Variants in ESPN observed in about 807,000 individuals in gnomAD.
The protein encoded by ESPN is espin.
Under a neutral mutation model 77.7 loss-of-function variants are expected in ESPN, and 68 were observed. The ratio of observed to expected loss-of-function variants is 0.87; its 90% CI spans 0.72 to 1.07. ESPN has a LOEUF of 1.07. Among genes scored for constraint, ESPN ranks in the 50% least tolerant of loss-of-function variants. The probability of loss-of-function intolerance (pLI) is 0.00; values close to 1 mark genes in which losing one functional copy is unlikely to be tolerated. For missense variants in ESPN, 1,060 were observed against 1,239.0 expected (o/e 0.86, Z 2.17); for synonymous variants, 449 against 567.1 (o/e 0.79, Z 2.96).
rs752466249 is a variant in ESPN at position 6,441,020 on chromosome 1, C to G, written c.945C>G (p.Asn315Lys). ...CGGCCGCCGACCTGTCGGACTTCAA[C>G]GGCCACAGCCACTGCACCCGCTACC... The part of the protein sequence containing the change: ...GYTAADLSDF[N>K]GHSHCTRYLR... The change falls in exon 5 of 13, where the codon AAC becomes AAG. Residue 315 changes from asparagine (N) to lysine (K), a missense_variant. Asn to Lys is a moderately conservative substitution (Grantham distance 94, BLOSUM62 0). Coordinates refer to ENST00000645284, the MANE Select transcript of ESPN (RefSeq NM_031475.3). The G allele has an allele frequency of 1.1e-5, 17 of 1,610,742 alleles. No individual in the cohort carries two copies. The highest frequency in any genetic ancestry group is 1.4e-5 in the Non-Finnish European group (17 of 1,179,500).
In ESPN at chr1:6,426,843, C is replaced by G. The variant is rs553441675; in HGVS notation, c.295-1383C>G. Reference sequence around the variant, plus strand: ...AGACTGAACCAGTCTCTGGCCCCCCCACTCCCAGCTTTCTAGCACACAGGA... The same window carrying G: ...AGACTGAACCAGTCTCTGGCCCCCCGACTCCCAGCTTTCTAGCACACAGGA... On this transcript the variant is annotated intron_variant, in intron 1 of 12. Transcript: ENST00000645284. Among the ~76,000 whole-genome samples, 6 of 152,246 alleles carry G rather than the reference C, an allele frequency of 3.9e-5. No individual in the cohort carries two copies. The East Asian group carries it at 5.8e-4, about 15-fold the overall frequency.
chr1:6,458,535 C>G (rs749491046), intron 12 of ESPN, among the ~76,000 whole-genome samples: 8 of 151,020 alleles, frequency 5.3e-5, no homozygotes, highest in Non-Finnish European at 8.9e-5. Flanking sequence ...AGGCTGGTCT[C>G]GAACTCCTGA....
rs989305318 is a variant in ESPN, at chr1:6,427,548, G to A, written c.295-678G>A. 1.8e-4 allele frequency among the ~76,000 whole-genome samples: 28 copies of A among 152,256 alleles called. No individual in the cohort carries two copies. Among genetic ancestry groups the A allele is most frequent in the African/African-American group, 6.3e-4 (26 of 41,554 alleles). On this transcript the variant is annotated intron_variant, in intron 1 of 12. Coordinates refer to ENST00000645284, the MANE Select transcript of ESPN (RefSeq NM_031475.3). The surrounding 1 kb of genome is among the most constrained non-coding windows in gnomAD (Gnocchi z 4.6). ...CTGCACCTAGCACCCCTGGCTGACTGCCCCGGACCCGCCCACCAGTACCCA... is the reference window on the plus strand; with the variant it reads ...CTGCACCTAGCACCCCTGGCTGACTACCCCGGACCCGCCCACCAGTACCCA...
At chr1:6,440,217 G>A (rs2148517764) in intron 2 of ESPN, 37 bp from the exon 3 acceptor site, 1 of 1,541,428 alleles carries the variant, frequency 6.5e-7, no homozygotes, top group South Asian at 1.2e-5. Flanking sequence ...AGGGGGTGAG[G>A]CGCTGAAAGC....
intron 2 of ESPN, among the ~76,000 whole-genome samples, chr1:6,436,194 T>C (rs957134231): frequency 1.3e-5 from 2 of 152,088 alleles, no homozygotes; most frequent in African/African-American, 4.8e-5. Context: ...GTGGCACATT[T>C]GGAGTCAGAA....
chr1:6,426,608 G>A (rs1321346696), intron 1 of ESPN, among the ~76,000 whole-genome samples: 1 of 152,154 alleles, frequency 6.6e-6, no homozygotes, highest in Non-Finnish European at 1.5e-5. Flanking sequence ...ACAGGCACAG[G>A]CCAGAGCCCA....
chr1:6,444,416 C>T (rs1643750406), intron 5 of ESPN, 65 bp from the exon 6 acceptor site: 1 of 1,544,066 alleles, frequency 6.5e-7, no homozygotes, highest in Non-Finnish European at 8.9e-7. Context: ...GAGTAGGACC[C>T]TGGCCTGGAG....
rs764479456 is a variant in ESPN, at chr1:6,451,898, T to C, written c.2127T>C (p.Ala709=). Residue 709 remains alanine, a synonymous_variant, in exon 10 of 13, where the codon GCT becomes GCC. Transcript: ENST00000645284. This position sits in a 1 kb window ranked among gnomAD's most constrained non-coding sequence, Gnocchi z 4.3. Reference sequence around the variant, plus strand: ...CAGTCCGGAGCCCCACACCGCCAGCTGCGGGGTTTCAGCCGCTGCTCAATG... The same window carrying C: ...CAGTCCGGAGCCCCACACCGCCAGCCGCGGGGTTTCAGCCGCTGCTCAATG... ...LSPVRSPTPP[A]AGFQPLLNGS... 2 of 1,611,160 alleles carry C rather than the reference T, an allele frequency of 1.2e-6. No homozygotes were observed. Among genetic ancestry groups the C allele is most frequent in the East Asian group, 4.5e-5 (2 of 44,794 alleles).
intron 12 of ESPN, among the ~76,000 whole-genome samples, 168 bp from the exon 13 acceptor site, chr1:6,459,831 G>A (rs1166242035): frequency 1.3e-5 from 2 of 151,932 alleles, no homozygotes; most frequent in African/African-American, 4.8e-5. Context: ...ACCCCATTCT[G>A]CCCCCAATCT....
chr1:6,451,922 T>C lies in ESPN; in HGVS notation c.2151T>C (p.Asn717=), dbSNP rs1420809644. 2 of 1,610,988 alleles carry C rather than the reference T, an allele frequency of 1.2e-6. No homozygotes were observed. The highest frequency in any genetic ancestry group is 1.1e-5 in the South Asian group (1 of 90,448). ...CTGCGGGGTTTCAGCCGCTGCTCAA[T>C]GGAAGCTTGGTTCCCGTGCCGCCCA... is the stretch of plus-strand genomic sequence containing the variant. ...PPAAGFQPLL[N]GSLVPVPPTT... is the part of the protein sequence containing the mutation. The change falls in exon 10 of 13, where the codon AAT becomes AAC. Residue 717 remains asparagine, a synonymous_variant. Coordinates refer to ENST00000645284, the MANE Select transcript of ESPN (RefSeq NM_031475.3). This position sits in a 1 kb window ranked among gnomAD's most constrained non-coding sequence, Gnocchi z 4.3.
At chr1:6,453,848 A>G (rs2986737) in intron 10 of ESPN, among the ~76,000 whole-genome samples, 1,974 of 152,210 alleles carry the variant, frequency 0.013, 33 homozygotes, top group African/African-American at 0.045. Flanking sequence ...GCAAATGAGA[A>G]TATTACGGTG....
chr1:6,459,975 C>G, intron 12 of ESPN, 24 bp from the exon 13 acceptor site: 3 of 1,613,058 alleles, frequency 1.9e-6, no homozygotes, highest in Non-Finnish European at 2.5e-6. Context: ...TTCACCGGGT[C>G]TGCCCCCCTC....
Position 6,451,537 on chromosome 1 carries a change from G to C in ESPN, c.1916-66G>C. 6.3e-7 allele frequency: 1 copy of C among 1,577,884 alleles called. No individual in the cohort carries two copies. The highest frequency in any genetic ancestry group is 8.6e-7 in the Non-Finnish European group (1 of 1,160,232). ...GGCTTAGGAAAGGGGCTGCAGAGGG[G>C]CGGGTGAGGGGTGGCGGGGATGCAG... On this transcript the variant is annotated intron_variant, in intron 8 of 12. Coordinates refer to ENST00000645284, the MANE Select transcript of ESPN (RefSeq NM_031475.3). The surrounding 1 kb of genome is among the most constrained non-coding windows in gnomAD (Gnocchi z 4.3).
chr1:6,452,887 A>ATTTATT (rs1355478568), intron 10 of ESPN, among the ~76,000 whole-genome samples: 1 of 133,166 alleles, frequency 7.5e-6, no homozygotes, highest in African/African-American at 4.0e-5. Flanking sequence ...CCCAAATGCC[A>ATTTATT]TTTATTTTTA....
Position 6,447,413 on chromosome 1 carries a change from C to G in ESPN, c.1465-1228C>G, listed in dbSNP as rs1310296833. On this transcript the variant is annotated intron_variant, in intron 7 of 12. Transcript: ENST00000645284. The surrounding 1 kb of genome is among the most constrained non-coding windows in gnomAD (Gnocchi z 5.2). Reference sequence around the variant, plus strand: ...GGGGGCGCGGAGCGGGCGGGCTGGCCCAGAAAACAAATCCTGCGGTGTCGC... The same window carrying G: ...GGGGGCGCGGAGCGGGCGGGCTGGCGCAGAAAACAAATCCTGCGGTGTCGC... 1 of 152,318 alleles carries G rather than the reference C, an allele frequency of 6.6e-6. No individual in the cohort carries two copies. Among genetic ancestry groups the G allele is most frequent in the African/African-American group, 2.4e-5 (1 of 41,446 alleles). The allele number at this position is 152,318 out of a possible 1,614,324, so 9.4% of individuals were successfully genotyped here. A position where few individuals can be genotyped will look rare whatever the true frequency, so the allele number is the denominator to read the frequency against.
In ESPN at chr1:6,460,382, A is replaced by C; in HGVS notation, c.*236A>C. 1.8e-6 allele frequency: 1 copy of C among 563,042 alleles called. No individual in the cohort carries two copies. Among genetic ancestry groups the C allele is most frequent in the Non-Finnish European group, 3.2e-6 (1 of 315,670 alleles). 34.9% of individuals were successfully genotyped at this position (563,042 alleles called of 1,614,324 possible). On this transcript the variant is annotated 3_prime_UTR_variant, in exon 13 of 13. Transcript: ENST00000645284. ...CCAAGCTGCTGACGCAAACAACAAC[A>C]AATGCTGCTTATTTGCATGCCGACT...
intron 4 of ESPN, 59 bp downstream of exon 4, chr1:6,440,867 G>C (rs1377997080): frequency 3.3e-6 from 5 of 1,507,030 alleles, no homozygotes; most frequent in Non-Finnish European, 4.4e-6. Flanking sequence ...CTTTCAGCAC[G>C]GCCCTGCCCG....
chr1:6,425,464 A>G (rs1164211537), intron 1 of ESPN, among the ~76,000 whole-genome samples: 1 of 152,196 alleles, frequency 6.6e-6, no homozygotes, highest in African/African-American at 2.4e-5. Context: ...TGCTCCCTGG[A>G]AGCGCACCTG....
Position 6,448,883 on chromosome 1 carries a change from T to TC in ESPN, c.1712dup (p.Gln572AlafsTer12), listed in dbSNP as rs1317437164. ...GCGGCTCACTCGAAGGCCCCTCCGC[T>TC]CCCCCGCAGGCGGCGCTGCTTCCTG... On this transcript the variant is annotated frameshift_variant, in exon 8 of 13. Transcript: ENST00000645284. LOFTEE classifies it high-confidence loss of function. 2 of 1,320,790 alleles carry TC rather than the reference T, an allele frequency of 1.5e-6. No homozygotes were observed. Among genetic ancestry groups the TC allele is most frequent in the East Asian group, 3.3e-5 (1 of 30,664 alleles). The allele number at this position is 1,320,790 out of a possible 1,614,324, so 81.8% of individuals were successfully genotyped here.
Sources: allele counts gnomAD v4.1 joint callset (sites outside exome capture counted in the v4.1 genomes callset), GRCh38; gene constraint gnomAD v4.1.1; non-coding constraint Gnocchi (gnomAD v3.1); transcripts MANE v1.5; gene names NCBI Gene and HGNC (gene_info 2026-07-23, HGNC 2026-07-21).